APOB: variants seen among roughly 807,000 people sequenced by gnomAD.
APOB encodes the protein apolipoprotein B, also known as apolipoprotein B-100.
In APOB, 153 loss-of-function variants were observed where a neutral mutation model predicts 314.1. That is an observed-to-expected ratio of 0.49 (90% CI 0.43 to 0.56). APOB has a LOEUF of 0.56. Among genes scored for constraint, APOB ranks in the 20% least tolerant of loss-of-function variants. The pLI, the probability that APOB is intolerant of heterozygous loss-of-function variation, is 0.00. For missense variants in APOB, 5,430 were observed against 5,350.7 expected, an observed-to-expected ratio of 1.01 and a Z score of -0.46; for synonymous variants, 2,087 against 2,036.4, an observed-to-expected ratio of 1.02 and a Z score of -0.67.
intron 4 of APOB, among the ~76,000 whole-genome samples, chr2:21,038,725 C>T (rs1383777434): frequency 6.6e-6 from 1 of 152,212 alleles, no homozygotes; most frequent in African/African-American, 2.4e-5. Context: ...ATACGGACAC[C>T]CGAGTGGTTG....
rs747089573 is a variant in APOB at position 21,043,858 on chromosome 2, A to C, written c.82+6T>G. Reference sequence around the variant, plus strand: ...CTCTGCGCCCGCAGAGCGGCCGCGCACTCACCGGCCCTGGCGCCCGCCAGC... The same window carrying C: ...CTCTGCGCCCGCAGAGCGGCCGCGCCCTCACCGGCCCTGGCGCCCGCCAGC... On this transcript the variant is annotated splice_donor_region_variant and intron_variant, in intron 1 of 28. Coordinates refer to ENST00000233242, the MANE Select transcript of APOB (RefSeq NM_000384.3). 1.8e-5 allele frequency: 27 copies of C among 1,520,478 alleles called. No homozygotes were observed. Among genetic ancestry groups the C allele is most frequent in the Middle Eastern group, 2.1e-4 (1 of 4,778 alleles). 94.2% of individuals were successfully genotyped at this position (1,520,478 alleles called of 1,614,324 possible).
rs1663020784 is a variant in APOB, at chr2:21,002,639, T to C, written c.12783A>G (p.Lys4261=). The change falls in exon 29 of 29, where the codon AAA becomes AAG. Residue 4261 remains lysine, a synonymous_variant. Transcript: ENST00000233242. ...ITLPFELRKH[K]LIDVISMYRE... ...TATACATCGAGATTACATCTATTAGTTTATGTTTCCTTAACTCGAAAGGAA... is the reference window on the plus strand; with the variant it reads ...TATACATCGAGATTACATCTATTAGCTTATGTTTCCTTAACTCGAAAGGAA... The C allele has an allele frequency of 6.2e-7, 1 of 1,613,876 alleles. No homozygotes were observed. The highest frequency in any genetic ancestry group is 1.7e-4 in the Middle Eastern group (1 of 6,058).
At chr2:21,026,120 G>A (rs1453318861) in intron 15 of APOB, among the ~76,000 whole-genome samples, 3 of 152,198 alleles carry the variant, frequency 2.0e-5, no homozygotes. Flanking sequence ...AAATAACCTT[G>A]TGAGGTTTGG....
chr2:21,011,731 C>A lies in APOB; in HGVS notation c.5137G>T (p.Ala1713Ser), dbSNP rs769789232. The A allele has an allele frequency of 1.2e-4, 196 of 1,613,992 alleles. No homozygotes were observed. The highest frequency in any genetic ancestry group is 1.6e-4 in the Non-Finnish European group (184 of 1,180,032). The change falls in exon 26 of 29, where the codon GCT becomes TCT. Residue 1713 changes from alanine (A) to serine (S), a missense_variant. By Grantham distance (99) the Ala-to-Ser change is moderately conservative. This residue lies in a region of APOB where 2,085 missense variants were observed against 2,079.7 expected (regional missense o/e 1.00). Coordinates refer to ENST00000233242, the MANE Select transcript of APOB (RefSeq NM_000384.3). ...AALTELSLGSAYQAMILGVDS... is the reference protein window; with the variant it reads ...AALTELSLGSSYQAMILGVDS... Reference sequence around the variant, plus strand: ...ACACCCAGAATCATGGCCTGATAAGCACTTCCCAGTGATAGCTCTGTGAGG... The same window carrying A: ...ACACCCAGAATCATGGCCTGATAAGAACTTCCCAGTGATAGCTCTGTGAGG...
rs956588412 is a variant in APOB at position 21,014,955 on chromosome 2, TG to T, written c.3696+117del. On this transcript the variant is annotated intron_variant, in intron 23 of 28. Coordinates refer to ENST00000233242, the MANE Select transcript of APOB (RefSeq NM_000384.3). ...TTTTTTTTTCTCCCCAAGAATTCCC[TG>T]GGGGGAAGGAAGCATGCCTTATACA... The T allele has an allele frequency of 1.8e-5, 20 of 1,118,094 alleles. No homozygotes were observed. In the African/African-American group the frequency reaches 2.2e-4, roughly 12 times the overall value. 69.3% of individuals were successfully genotyped at this position (1,118,094 alleles called of 1,614,324 possible). A position where few individuals can be genotyped will look rare whatever the true frequency, so the allele number is the denominator to read the frequency against.
At chr2:21,027,306 A>ATTTTTTTTTTTT (rs71391771) in intron 14 of APOB, among the ~76,000 whole-genome samples, 3 of 105,882 alleles carry the variant, frequency 2.8e-5, no homozygotes, top group Non-Finnish European at 3.7e-5. Flanking sequence ...TTGCATTTCA[A>ATTTTTTTTTTTT]TTTTTTTTTT....
chr2:21,014,312 G>C (rs916487263), intron 24 of APOB, 136 bp downstream of exon 24: 11 of 1,010,146 alleles, frequency 1.1e-5, no homozygotes, highest in Non-Finnish European at 1.6e-5. Flanking sequence ...CACAGTGTTT[G>C]TGCTATAGTT....
rs770209928 is a variant in APOB at position 21,012,039 on chromosome 2, C to T, written c.4829G>A (p.Arg1610Lys). The change falls in exon 26 of 29, where the codon AGG becomes AAG. Residue 1610 changes from arginine (R) to lysine (K), a missense_variant. Physicochemically the swap from Arg to Lys is conservative, Grantham distance 26 (BLOSUM62 2). This residue lies in a region of APOB where 2,085 missense variants were observed against 2,079.7 expected (regional missense o/e 1.00). Transcript: ENST00000233242. ...SEYQADYESL[R>K]FFSLLSGSLN... ...TGATCCAGAAAGCAGGCTGAAGAAC[C>T]TCAATGACTCGTAATCAGCCTGATA... is the stretch of plus-strand genomic sequence containing the variant. The T allele has an allele frequency of 3.1e-6, 5 of 1,614,056 alleles. No homozygotes were observed. The highest frequency in any genetic ancestry group is 2.7e-5 in the African/African-American group (2 of 74,924).
rs2103354315 is a variant in APOB at position 21,008,403 on chromosome 2, A to T, written c.8465T>A (p.Leu2822Gln). 1 of 1,614,052 alleles carries T rather than the reference A, an allele frequency of 6.2e-7. No individual in the cohort carries two copies. The part of the protein sequence containing the change: ...AQLSNPKINP[L>Q]ALKESVKFSS... The stretch of plus-strand genomic sequence containing the variant: ...GAACTTCACTGACTCCTTCAGAGCC[A>T]GCGGATTAATCTTAGGGTTTGAGAG... Residue 2822 changes from leucine to glutamine, a missense_variant, in exon 26 of 29, where the codon CTG becomes CAG. Physicochemically the swap from Leu to Gln is moderately radical, Grantham distance 113 (BLOSUM62 -2). This residue lies in a region of APOB where 3,281 missense variants were observed against 3,171.0 expected (regional missense o/e 1.03). Transcript: ENST00000233242.
chr2:21,019,882 G>A lies in APOB; in HGVS notation c.2840C>T (p.Thr947Ile). The A allele has an allele frequency of 6.2e-7, 1 of 1,614,170 alleles. No homozygotes were observed. ...SGGNTLHLVS[T>I]TKTEVIPPLI... The stretch of plus-strand genomic sequence containing the variant: ...AGGTGGGATCACCTCCGTTTTGGTG[G>A]TAGAGACCAAATGTAATGTGTTGCT... Residue 947 changes from threonine (T) to isoleucine (I), a missense_variant, in exon 19 of 29, where the codon ACC becomes ATC. Thr to Ile is a moderately conservative substitution (Grantham distance 89, BLOSUM62 -1). This residue lies in a region of APOB where 2,085 missense variants were observed against 2,079.7 expected (regional missense o/e 1.00). Transcript: ENST00000233242.
intron 4 of APOB, 122 bp from the exon 5 acceptor site, chr2:21,038,233 AT>A: frequency 9.5e-7 from 1 of 1,048,218 alleles, no homozygotes; most frequent in East Asian, 2.5e-5. Context: ...TTCTGACATC[AT>A]TTATTTGTAA....
At chr2:21,036,916 C>A (rs571317496) in intron 6 of APOB, among the ~76,000 whole-genome samples, 184 bp downstream of exon 6, 2 of 152,294 alleles carry the variant, frequency 1.3e-5, no homozygotes, top group East Asian at 3.9e-4. Flanking sequence ...CTTGGCTCAA[C>A]TGATCCCAGG....
At position 21,011,692 on chromosome 2, in the gene APOB, T is replaced by C. The variant is rs757885071; in HGVS notation, c.5176A>G (p.Ile1726Val). ...AMILGVDSKN[I>V]FNFKVSQEGL... is the part of the protein sequence containing the mutation. ...TCTTGACTGACCTTGAAGTTGAAAA[T>C]GTTTTTGCTGTCGACACCCAGAATC... Residue 1726 changes from isoleucine to valine, a missense_variant, in exon 26 of 29, where the codon ATT (isoleucine) becomes GTT (valine). By Grantham distance (29) the Ile-to-Val change is conservative. Coordinates refer to ENST00000233242, the MANE Select transcript of APOB (RefSeq NM_000384.3). 1.9e-6 allele frequency: 3 copies of C among 1,614,070 alleles called. No individual in the cohort carries two copies. Among genetic ancestry groups the C allele is most frequent in the Non-Finnish European group, 2.5e-6 (3 of 1,180,042 alleles).
At chr2:21,036,872 G>A (rs192658284) in intron 6 of APOB, among the ~76,000 whole-genome samples, 63 of 152,292 alleles carry the variant, frequency 4.1e-4, no homozygotes, top group Admixed American at 1.2e-3. Context: ...GAAAGACAGA[G>A]CTCTGGGCTG....
rs761080024 is a variant in APOB, at chr2:21,032,598, G to A, written c.1125-17C>T. The A allele has an allele frequency of 1.2e-5, 19 of 1,603,516 alleles. No individual in the cohort carries two copies. The highest frequency in any genetic ancestry group is 1.6e-5 in the Non-Finnish European group (19 of 1,170,832). ...GTGATGGGGCTGAGAAGAAAGACAT[G>A]GATAAAGTTATACAGACCACCTTCA... On this transcript the variant is annotated splice_polypyrimidine_tract_variant and intron_variant, in intron 9 of 28. Transcript: ENST00000233242.
At chr2:21,033,062 CCTT>C (rs1318539606) in intron 9 of APOB, among the ~76,000 whole-genome samples, 2 of 152,330 alleles carry the variant, frequency 1.3e-5, no homozygotes, top group South Asian at 2.1e-4. Context: ...GAACTATTCT[CCTT>C]CTGTTTTAAC....
rs754620576 is a variant in APOB at position 21,005,370 on chromosome 2, T to C, written c.11498A>G (p.Asp3833Gly). 5 of 1,613,954 alleles carry C rather than the reference T, an allele frequency of 3.1e-6. No individual in the cohort carries two copies. The highest frequency in any genetic ancestry group is 3.4e-6 in the Non-Finnish European group (4 of 1,179,964). ...SQFTLPKSVS[D>G]GIAALDLNAV... ...ATTTAGATCCAAAGCAGCAATGCCA[T>C]CTGAAACACTTTTTGGAAGCGTGAA... is the stretch of plus-strand genomic sequence containing the variant. Residue 3833 changes from aspartate (D) to glycine (G), a missense_variant, in exon 26 of 29, where the codon GAT becomes GGT. Asp to Gly is a moderately conservative substitution (Grantham distance 94). Around this residue, in one of 3 missense-constraint regions of APOB, gnomAD observed 3,281 missense variants for 3,171.0 expected, o/e 1.03. Coordinates refer to ENST00000233242, the MANE Select transcript of APOB (RefSeq NM_000384.3).
intron 25 of APOB, 73 bp downstream of exon 25, chr2:21,013,087 C>T (rs773324868): frequency 2.0e-4 from 324 of 1,598,914 alleles, no homozygotes; most frequent in Non-Finnish European, 2.6e-4. Context: ...GTCCTTTCCT[C>T]CCTGGAGGAG....
chr2:21,030,735 T>C (rs1663857181), intron 10 of APOB, among the ~76,000 whole-genome samples: 1 of 151,584 alleles, frequency 6.6e-6, no homozygotes, highest in Non-Finnish European at 1.5e-5. Context: ...GTACAAGCAA[T>C]TCAAACAACT....
Sources: gnomAD v4.1 joint callset for allele counts (sites outside exome capture counted in the v4.1 genomes callset) on GRCh38, gnomAD v4.1.1 for gene constraint, gnomAD v4.1.1 regional missense constraint, MANE v1.5 for transcripts, NCBI Gene and HGNC (gene_info 2026-07-23, HGNC 2026-07-21) for gene names.